ZNF280D: variants seen among roughly 807,000 people sequenced by gnomAD.
ZNF280D encodes the protein zinc finger protein 280D.
A neutral mutation model predicts 94.7 loss-of-function variants in ZNF280D; 39 were observed. The observed-to-expected ratio is 0.41, with a 90% CI of 0.32 to 0.54. The LOEUF (loss-of-function observed/expected upper bound fraction) is 0.54. Ranked by LOEUF, ZNF280D falls within the 20% of genes least tolerant of loss-of-function variation. The pLI is 0.22. For missense variants in ZNF280D, 1,090 were observed against 1,149.3 expected (o/e 0.95, Z 0.75); for synonymous variants, 398 against 377.6 (o/e 1.05, Z -0.63).
intron 7 of ZNF280D, among the ~76,000 whole-genome samples, chr15:56,690,184 C>T (rs2056342794): frequency 2.0e-5 from 3 of 152,136 alleles, no homozygotes. Flanking sequence ...AGATAGAGAC[C>T]AGCCTGGCAA....
intron 1 of ZNF280D, among the ~76,000 whole-genome samples, chr15:56,713,278 T>C (rs908416211): frequency 6.6e-6 from 1 of 152,158 alleles, no homozygotes; most frequent in South Asian, 2.1e-4. Flanking sequence ...AAAATAAGTA[T>C]TGCACATAAA....
chr15:56,653,618 A>G (rs2053344617), intron 19 of ZNF280D: 2 of 1,476,630 alleles, frequency 1.4e-6, no homozygotes, highest in East Asian at 2.6e-5. Context: ...TAAGAAAAAT[A>G]GCACAATGAC....
intron 9 of ZNF280D, 135 bp downstream of exon 9, chr15:56,688,906 T>A (rs1198373950): frequency 3.7e-6 from 2 of 537,258 alleles, no homozygotes; most frequent in Admixed American, 7.6e-5. Flanking sequence ...ATAATCATTA[T>A]GAATGTAAAT....
At chr15:56,693,708 A>G (rs1474665421) in intron 6 of ZNF280D, among the ~76,000 whole-genome samples, 1 of 152,196 alleles carries the variant, frequency 6.6e-6, no homozygotes, top group Non-Finnish European at 1.5e-5. Context: ...AAAAGCTTCT[A>G]TGCTTCTAAA....
intron 6 of ZNF280D, chr15:56,700,669 T>G: frequency 7.2e-7 from 1 of 1,389,708 alleles, no homozygotes; most frequent in Non-Finnish European, 9.3e-7. Flanking sequence ...TATAATTTTA[T>G]TCACATTTTG....
chr15:56,696,610 A>G (rs1446764100), intron 6 of ZNF280D, among the ~76,000 whole-genome samples: 2 of 152,208 alleles, frequency 1.3e-5, no homozygotes, highest in Non-Finnish European at 2.9e-5. Flanking sequence ...ACCACATTCC[A>G]TGAAAAAGTA....
At chr15:56,712,618 A>T (rs1346889447) in intron 1 of ZNF280D, among the ~76,000 whole-genome samples, 2 of 137,268 alleles carry the variant, frequency 1.5e-5, no homozygotes, top group East Asian at 4.3e-4. Flanking sequence ...AAAAAAAAGG[A>T]AAGAAAGAAA....
chr15:56,707,615 T>G (rs747774615), intron 1 of ZNF280D, among the ~76,000 whole-genome samples: 2 of 152,192 alleles, frequency 1.3e-5, no homozygotes, highest in Non-Finnish European at 2.9e-5. Context: ...TTTCAAACGC[T>G]GAGTGACATT....
chr15:56,640,366 C>A (rs537817766), intron 20 of ZNF280D, among the ~76,000 whole-genome samples: 1 of 152,176 alleles, frequency 6.6e-6, no homozygotes, highest in South Asian at 2.1e-4. Flanking sequence ...TTAAGCAATC[C>A]TCCCAGCTCT....
chr15:56,718,337 T>C (rs1391392796), intron 1 of ZNF280D, among the ~76,000 whole-genome samples: 1 of 152,086 alleles, frequency 6.6e-6, no homozygotes, highest in Admixed American at 6.6e-5. Flanking sequence ...CAGCCAACAA[T>C]CTTAAATTAA....
intron 14 of ZNF280D, chr15:56,668,221 G>C: frequency 2.2e-6 from 1 of 446,404 alleles, no homozygotes. Context: ...CCCTCCACTG[G>C]AGCAAATATT....
intron 1 of ZNF280D, among the ~76,000 whole-genome samples, chr15:56,730,863 C>G (rs1436264345): frequency 1.3e-5 from 2 of 152,142 alleles, no homozygotes; most frequent in Non-Finnish European, 2.9e-5. Flanking sequence ...CTACTAATGC[C>G]AAAATATCAC....
At chr15:56,633,204 C>T (rs902891436) in intron 21 of ZNF280D, among the ~76,000 whole-genome samples, 1 of 152,120 alleles carries the variant, frequency 6.6e-6, no homozygotes, top group Non-Finnish European at 1.5e-5. Context: ...AATATCCTAG[C>T]AACATTTCCA....
chr15:56,701,253 ATTT>A lies in ZNF280D; in HGVS notation c.176-18_176-16del, dbSNP rs2057049546. The A allele has an allele frequency of 6.9e-7, 1 of 1,439,286 alleles. No homozygotes were observed. The highest frequency in any genetic ancestry group is 1.4e-5 in the African/African-American group (1 of 70,182). The allele number at this position is 1,439,286 out of a possible 1,614,324, so 89.2% of individuals were successfully genotyped here. A position where few individuals can be genotyped will look rare whatever the true frequency, so the allele number is the denominator to read the frequency against. On this transcript the variant is annotated splice_polypyrimidine_tract_variant and intron_variant, in intron 4 of 21. Coordinates refer to ENST00000267807, the MANE Select transcript of ZNF280D (RefSeq NM_017661.4). The stretch of plus-strand genomic sequence containing the variant: ...GTTCAAAATATCTATAAAAGATTAT[ATTT>A]ATTTTAAAATACATTGTTTGAATGA...
At chr15:56,639,322 A>G (rs1388129750) in intron 20 of ZNF280D, among the ~76,000 whole-genome samples, 2 of 151,796 alleles carry the variant, frequency 1.3e-5, no homozygotes, top group Non-Finnish European at 2.9e-5. Flanking sequence ...CAGGAGGCTC[A>G]GTGTCAGAAC....
At chr15:56,651,011 C>T (rs1364232804) in intron 19 of ZNF280D, among the ~76,000 whole-genome samples, 1 of 152,138 alleles carries the variant, frequency 6.6e-6, no homozygotes, top group African/African-American at 2.4e-5. Context: ...CATCATCTAA[C>T]ATATTATATG....
At chr15:56,658,988 CA>C (rs1416263985) in intron 16 of ZNF280D, among the ~76,000 whole-genome samples, 1 of 151,618 alleles carries the variant, frequency 6.6e-6, no homozygotes, top group Non-Finnish European at 1.5e-5. Flanking sequence ...TCTGTAAATT[CA>C]AACATTTACA....
At chr15:56,724,647 A>G (rs2058543026) in intron 1 of ZNF280D, among the ~76,000 whole-genome samples, 2 of 152,230 alleles carry the variant, frequency 1.3e-5, no homozygotes, top group Admixed American at 1.3e-4. Flanking sequence ...CCTCATCTGT[A>G]AAGGATGATA....
chr15:56,637,579 T>C (rs577112853), intron 20 of ZNF280D, among the ~76,000 whole-genome samples: 1 of 152,308 alleles, frequency 6.6e-6, no homozygotes, highest in East Asian at 1.9e-4. Context: ...TCATGCAGAT[T>C]GTGCACACAG....
Sources: gnomAD v4.1 joint callset for allele counts (sites outside exome capture counted in the v4.1 genomes callset) on GRCh38, gnomAD v4.1.1 for gene constraint, MANE v1.5 for transcripts, NCBI Gene and HGNC (gene_info 2026-07-23, HGNC 2026-07-21) for gene names.